SPACA7: variants seen among roughly 807,000 people sequenced by gnomAD.
SPACA7 encodes the protein sperm acrosome associated 7.
SPACA7 carries 19 observed loss-of-function variants against 26.3 expected under a neutral mutation model. The ratio of observed to expected loss-of-function variants is 0.72; its 90% CI spans 0.50 to 1.06. SPACA7 has a LOEUF of 1.06. Among genes scored for constraint, SPACA7 ranks in the 50% least tolerant of loss-of-function variants. The pLI, the probability that SPACA7 is intolerant of heterozygous loss-of-function variation, is 0.00. For missense variants in SPACA7, 211 were observed against 229.9 expected (o/e 0.92, Z 0.53); for synonymous variants, 84 against 84.5 (o/e 0.99, Z 0.04).
intron 2 of SPACA7, 111 bp downstream of exon 2, chr13:112,393,188 T>A (rs1885009136): frequency 2.5e-6 from 2 of 800,180 alleles, no homozygotes; most frequent in Non-Finnish European, 4.1e-6. Context: ...TGGAGGGAAC[T>A]GATTGGTTTG....
At chr13:112,433,184 T>A (rs1877349373) in intron 6 of SPACA7, among the ~76,000 whole-genome samples, 1 of 148,350 alleles carries the variant, frequency 6.7e-6, no homozygotes, top group African/African-American at 2.5e-5. Context: ...CACTTGCCCG[T>A]CCACGCAGCC....
At chr13:112,388,867 T>C (rs1345605177) in intron 1 of SPACA7, among the ~76,000 whole-genome samples, 4 of 152,100 alleles carry the variant, frequency 2.6e-5, no homozygotes, top group Admixed American at 2.0e-4. Context: ...GATCAAATCA[T>C]AGGGAGTCAA....
At chr13:112,417,409 T>C (rs1009987825) in intron 5 of SPACA7, among the ~76,000 whole-genome samples, 1 of 152,194 alleles carries the variant, frequency 6.6e-6, no homozygotes, top group Non-Finnish European at 1.5e-5. Flanking sequence ...ATTTAAGTTA[T>C]ATCAGTATTG....
intron 5 of SPACA7, among the ~76,000 whole-genome samples, chr13:112,418,527 G>A (rs1369286241): frequency 6.6e-6 from 1 of 152,182 alleles, no homozygotes; most frequent in African/African-American, 2.4e-5. Context: ...TGTGTATTCT[G>A]GAATAGCTAA....
intron 5 of SPACA7, among the ~76,000 whole-genome samples, chr13:112,416,030 T>C (rs1886669644): frequency 6.6e-6 from 1 of 152,012 alleles, no homozygotes; most frequent in Non-Finnish European, 1.5e-5. Context: ...ATTCTCTCTC[T>C]GCACTGTGCT....
intron 5 of SPACA7, among the ~76,000 whole-genome samples, chr13:112,419,363 C>T (rs574160268): frequency 6.6e-6 from 1 of 152,314 alleles, no homozygotes; most frequent in African/African-American, 2.4e-5. Context: ...CTCCATAGGT[C>T]TCTGTAAGAT....
intron 2 of SPACA7, among the ~76,000 whole-genome samples, chr13:112,397,802 A>C (rs1340250116): frequency 6.6e-6 from 1 of 152,194 alleles, no homozygotes; most frequent in South Asian, 2.1e-4. Context: ...TTTGGGGGGC[A>C]ATGTTCAGTG....
chr13:112,419,637 A>T (rs561197880), intron 5 of SPACA7, among the ~76,000 whole-genome samples: 8 of 152,214 alleles, frequency 5.3e-5, no homozygotes, highest in Non-Finnish European at 1.2e-4. Context: ...CTTCACCATT[A>T]CTAACAGAGA....
intron 1 of SPACA7, among the ~76,000 whole-genome samples, chr13:112,386,206 G>A (rs1174152617): frequency 6.6e-6 from 1 of 152,220 alleles, no homozygotes; most frequent in Admixed American, 6.5e-5. Context: ...TGGGGGTGGG[G>A]ATGTTTCCCT....
chr13:112,414,258 G>C (rs954293807), intron 5 of SPACA7, among the ~76,000 whole-genome samples: 10 of 140,396 alleles, frequency 7.1e-5, no homozygotes, highest in Non-Finnish European at 6.2e-5. Context: ...TTCTGCTGTT[G>C]AGACACTCTG....
intron 5 of SPACA7, among the ~76,000 whole-genome samples, chr13:112,401,486 T>C (rs564000712): frequency 6.6e-6 from 1 of 152,332 alleles, no homozygotes; most frequent in Non-Finnish European, 1.5e-5. Flanking sequence ...AAGAACAAAC[T>C]TTTAGAGAGA....
chr13:112,408,290 T>G (rs1315949577), intron 5 of SPACA7, among the ~76,000 whole-genome samples: 4 of 152,096 alleles, frequency 2.6e-5, no homozygotes, highest in African/African-American at 9.7e-5. Context: ...CTGGAAGCAT[T>G]CCCTTTGAAA....
At position 112,412,284 on chromosome 13, in the gene SPACA7, TTTTTTTG is replaced by T. The variant is rs1316860574; in HGVS notation, c.445+11139_445+11145del. 6.6e-5 allele frequency among the ~76,000 whole-genome samples: 10 copies of T among 152,084 alleles called. No homozygotes were observed. The East Asian group carries it at 1.2e-3, about 18-fold the overall frequency. On this transcript the variant is annotated intron_variant, in intron 5 of 6. Transcript: ENST00000283550. ...GATCTTTTGCCCATTTTTAAATTAG[TTTTTTTG>T]TTTTTTGTTTTTTGTTTTGCTACAG...
At chr13:112,403,609 T>C (rs1246078249) in intron 5 of SPACA7, among the ~76,000 whole-genome samples, 2 of 152,188 alleles carry the variant, frequency 1.3e-5, no homozygotes, top group East Asian at 3.9e-4. Flanking sequence ...CAAAGTCCAT[T>C]GTGTCATTCT....
intron 5 of SPACA7, among the ~76,000 whole-genome samples, chr13:112,414,062 A>G (rs1886519794): frequency 6.6e-6 from 1 of 152,136 alleles, no homozygotes; most frequent in Non-Finnish European, 1.5e-5. Flanking sequence ...GAACCAAAAG[A>G]TCAAGAACTC....
chr13:112,424,921 C>T lies in SPACA7; in HGVS notation c.446-7523C>T, dbSNP rs576504241. ...GAATGAGAGAGTGCACCCTCCATGC[C>T]GACCCTAGCACCTTGCCTTGAGTAG... On this transcript the variant is annotated intron_variant, in intron 5 of 6. Coordinates refer to ENST00000283550, the MANE Select transcript of SPACA7 (RefSeq NM_145248.5). Among the ~76,000 whole-genome samples, 28 of 152,260 alleles carry T rather than the reference C, an allele frequency of 1.8e-4. No homozygotes were observed. The South Asian group carries it at 5.4e-3, about 29-fold the overall frequency.
intron 5 of SPACA7, among the ~76,000 whole-genome samples, chr13:112,424,894 C>T (rs1338881661): frequency 6.6e-6 from 1 of 152,148 alleles, no homozygotes; most frequent in Non-Finnish European, 1.5e-5. Context: ...ACAAGGCTTC[C>T]TGAATGAGAG....
At chr13:112,431,921 C>T (rs957371918) in intron 5 of SPACA7, among the ~76,000 whole-genome samples, 1 of 152,214 alleles carries the variant, frequency 6.6e-6, no homozygotes, top group East Asian at 1.9e-4. Context: ...ACTGATTAGC[C>T]ACTCACACTG....
At chr13:112,427,729 A>G (rs1439127893) in intron 5 of SPACA7, among the ~76,000 whole-genome samples, 30 of 152,226 alleles carry the variant, frequency 2.0e-4, no homozygotes, top group Admixed American at 2.0e-3. Flanking sequence ...TTTAATAGAT[A>G]GAGAGCTATT....
Sources: gnomAD v4.1 joint callset for allele counts (sites outside exome capture counted in the v4.1 genomes callset) on GRCh38, gnomAD v4.1.1 for gene constraint, MANE v1.5 for transcripts, NCBI Gene and HGNC (gene_info 2026-07-23, HGNC 2026-07-21) for gene names.